RASA2: variants seen among roughly 807,000 people sequenced by gnomAD.
RASA2 encodes the protein RAS p21 protein activator 2, also known as ras GTPase-activating protein 2.
In RASA2, 155 loss-of-function variants were observed where a neutral mutation model predicts 118.2. The observed-to-expected ratio is 1.31, with a 90% CI of 1.15 to 1.50. The LOEUF is 1.50. Among genes scored for constraint, RASA2 ranks in the 40% most tolerant of loss-of-function variants. The pLI is 0.00. For missense variants in RASA2, 1,016 were observed against 1,009.6 expected (o/e 1.01, Z -0.09); for synonymous variants, 353 against 349.1 (o/e 1.01, Z -0.12).
chr3:141,543,673 A>G (rs1405584049), intron 5 of RASA2, among the ~76,000 whole-genome samples: 1 of 152,028 alleles, frequency 6.6e-6, no homozygotes, highest in Non-Finnish European at 1.5e-5. Flanking sequence ...TATACTAGAT[A>G]TAGAATTCTG....
intron 6 of RASA2, 42 bp downstream of exon 6, chr3:141,553,982 G>A (rs1275513996): frequency 1.3e-5 from 20 of 1,564,628 alleles, no homozygotes; most frequent in Non-Finnish European, 1.7e-5. Context: ...AAGTTTTGAT[G>A]TTTGATTTAA....
intron 1 of RASA2, among the ~76,000 whole-genome samples, chr3:141,491,245 C>T (rs2081637006): frequency 6.6e-6 from 1 of 152,160 alleles, no homozygotes; most frequent in Non-Finnish European, 1.5e-5. Context: ...TCCACCCCAT[C>T]TTTATGTCAG....
intron 1 of RASA2, among the ~76,000 whole-genome samples, chr3:141,498,737 T>A (rs182921057): frequency 5.0e-4 from 76 of 152,282 alleles, no homozygotes; most frequent in African/African-American, 1.7e-3. Flanking sequence ...ATCCCATATA[T>A]AGCCTGTCCA....
intron 9 of RASA2, among the ~76,000 whole-genome samples, chr3:141,563,287 T>A (rs1277690133): frequency 6.6e-6 from 1 of 152,168 alleles, no homozygotes; most frequent in Non-Finnish European, 1.5e-5. Context: ...AACTGACATA[T>A]ATATATATGA....
chr3:141,582,927 A>G (rs976535789), intron 17 of RASA2, among the ~76,000 whole-genome samples: 1 of 152,192 alleles, frequency 6.6e-6, no homozygotes, highest in East Asian at 1.9e-4. Context: ...AGGTGACCAT[A>G]TAATTTGATG....
intron 5 of RASA2, among the ~76,000 whole-genome samples, chr3:141,542,371 GTTAT>G (rs2082417527): frequency 6.6e-6 from 1 of 152,038 alleles, no homozygotes; most frequent in Admixed American, 6.6e-5. Flanking sequence ...TTTTTGGTGT[GTTAT>G]TTGTTTCTTG....
intron 5 of RASA2, among the ~76,000 whole-genome samples, chr3:141,543,876 C>CTTTTTTTTTTTTTTTTTTTTTTTTTTT (rs529631210): frequency 1.4e-4 from 16 of 117,316 alleles, no homozygotes; most frequent in Admixed American, 2.9e-4. Context: ...TTTCTTTTTT[C>CTTTTTTTTTTTTTTTTTTTTTTTTTTT]TTTTTTTTTT....
At chr3:141,593,771 AATAAACAAAGTATAGT>A (rs1263313302) in intron 19 of RASA2, among the ~76,000 whole-genome samples, 2 of 152,234 alleles carry the variant, frequency 1.3e-5, no homozygotes, top group African/African-American at 2.4e-5. Context: ...TAGGATTAAG[AATAAACAAAGTATAGT>A]ATAAACAAAG....
intron 15 of RASA2, among the ~76,000 whole-genome samples, chr3:141,580,084 AAATATATATATATATATATAT>A (rs1221029252): frequency 1.1e-5 from 1 of 88,946 alleles, no homozygotes; most frequent in Non-Finnish European, 2.1e-5. Context: ...AAAAAAAAAA[AAATATATATATATATATATAT>A]ATATATATAT....
chr3:141,528,226 A>G (rs963722448), intron 3 of RASA2, among the ~76,000 whole-genome samples: 7 of 151,926 alleles, frequency 4.6e-5, no homozygotes, highest in African/African-American at 1.7e-4. Context: ...TTTTCTTTAA[A>G]ATTAGATGTA....
intron 12 of RASA2, 122 bp from the exon 13 acceptor site, chr3:141,573,025 C>A: frequency 1.2e-6 from 1 of 837,376 alleles, no homozygotes; most frequent in Non-Finnish European, 1.8e-6. Context: ...CTGCATAGGA[C>A]ATTTTACGCT....
At chr3:141,542,919 C>G (rs1158632108) in intron 5 of RASA2, among the ~76,000 whole-genome samples, 1 of 152,096 alleles carries the variant, frequency 6.6e-6, no homozygotes, top group Admixed American at 6.5e-5. Flanking sequence ...TCAGATCTAT[C>G]TGAATGACTG....
At chr3:141,527,970 T>G (rs2082206681) in intron 3 of RASA2, among the ~76,000 whole-genome samples, 1 of 152,002 alleles carries the variant, frequency 6.6e-6, no homozygotes, top group African/African-American at 2.4e-5. Flanking sequence ...TATATTCACA[T>G]AAAGATTTTG....
At chr3:141,600,341 T>TA (rs965193176) in intron 19 of RASA2, 2 of 527,822 alleles carry the variant, frequency 3.8e-6, no homozygotes, top group African/African-American at 1.9e-5. Context: ...AGGTTGTCTC[T>TA]AAGCAATTGC....
At chr3:141,570,002 T>C (rs953034631) in intron 9 of RASA2, among the ~76,000 whole-genome samples, 2 of 152,168 alleles carry the variant, frequency 1.3e-5, no homozygotes, top group Non-Finnish European at 2.9e-5. Flanking sequence ...TAGTCTTCAG[T>C]TGATAATTGT....
In RASA2 at chr3:141,487,083, C is replaced by A; in HGVS notation, c.-1C>A. On this transcript the variant is annotated 5_prime_UTR_variant, in exon 1 of 24. Coordinates refer to ENST00000286364, the MANE Select transcript of RASA2 (RefSeq NM_006506.5). ...GGCTGCGGCACGGGCCGGGCGGCAC[C>A]ATGGCGGCGGCGGCGCCTGCTGCTG... 2 of 1,353,924 alleles carry A rather than the reference C, an allele frequency of 1.5e-6. No homozygotes were observed. Among genetic ancestry groups the A allele is most frequent in the Non-Finnish European group, 1.9e-6 (2 of 1,040,040 alleles). The allele number at this position is 1,353,924 out of a possible 1,614,324, so 83.9% of individuals were successfully genotyped here.
intron 1 of RASA2, among the ~76,000 whole-genome samples, chr3:141,507,256 A>G (rs1410956156): frequency 6.6e-6 from 1 of 152,194 alleles, no homozygotes; most frequent in African/African-American, 2.4e-5. Flanking sequence ...CAGTAACTCA[A>G]AGTGGGATTT....
In RASA2 at chr3:141,559,963, C is replaced by T. The variant is rs548063424; in HGVS notation, c.831C>T (p.Asn277=). The part of the protein sequence containing the change: ...VFLGEIKVPV[N]VLRTDSSHQA... ...TAGGTGAGATTAAGGTTCCTGTGAACGTATTAAGAACTGATTCCTCTCATC... is the reference window on the plus strand; with the variant it reads ...TAGGTGAGATTAAGGTTCCTGTGAATGTATTAAGAACTGATTCCTCTCATC... The change falls in exon 9 of 24, where the codon AAC becomes AAT. Residue 277 remains asparagine (N), a synonymous_variant. Coordinates refer to ENST00000286364, the MANE Select transcript of RASA2 (RefSeq NM_006506.5). 9 of 1,612,992 alleles carry T rather than the reference C, an allele frequency of 5.6e-6. No individual in the cohort carries two copies. Among genetic ancestry groups the T allele is most frequent in the African/African-American group, 1.3e-5 (1 of 74,880 alleles).
intron 20 of RASA2, 133 bp downstream of exon 20, chr3:141,607,893 G>T (rs1255858963): frequency 1.8e-6 from 2 of 1,100,370 alleles, no homozygotes; most frequent in African/African-American, 3.3e-5. Flanking sequence ...AAATTTTCAA[G>T]AAGTTGTTTA....
Sources: gnomAD v4.1 joint callset for allele counts (sites outside exome capture counted in the v4.1 genomes callset) on GRCh38, gnomAD v4.1.1 for gene constraint, MANE v1.5 for transcripts, NCBI Gene and HGNC (gene_info 2026-07-23, HGNC 2026-07-21) for gene names.